The following PRKG1 variants were observed in gnomAD, a reference collection of about 807,000 sequenced individuals.
The protein encoded by PRKG1 is cGMP-dependent protein kinase 1.
In PRKG1, 35 loss-of-function variants were observed where a neutral mutation model predicts 88.1. The ratio of observed to expected loss-of-function variants is 0.40; its 90% CI spans 0.30 to 0.53. The LOEUF (loss-of-function observed/expected upper bound fraction) is 0.53, where lower values mean the gene tolerates loss of function less well. Ranked by LOEUF, PRKG1 falls within the 20% of genes least tolerant of loss-of-function variation. PRKG1 has a pLI of 0.59. For synonymous variants in PRKG1, 303 were observed against 292.5 expected (o/e 1.04, Z -0.37); for missense variants, 540 against 839.8 (o/e 0.64, Z 4.41).
intron 5 of PRKG1, among the ~76,000 whole-genome samples, chr10:51,947,132 A>C (rs374781463): frequency 6.6e-6 from 1 of 151,322 alleles, no homozygotes; most frequent in Admixed American, 6.6e-5. Context: ...CGAGCTTCCC[A>C]GCTGCTTTGT....
chr10:51,431,881 ACAAAG>A (rs1302408953), intron 2 of PRKG1, among the ~76,000 whole-genome samples: 5 of 152,178 alleles, frequency 3.3e-5, no homozygotes, highest in African/African-American at 4.8e-5. Flanking sequence ...ACAAAACAAA[ACAAAG>A]CAAAAAAGCC....
chr10:51,178,616 G>A (rs375315497), intron 2 of PRKG1, among the ~76,000 whole-genome samples: 5 of 152,238 alleles, frequency 3.3e-5, no homozygotes, highest in East Asian at 3.9e-4. Context: ...CGGCCTGGAA[G>A]ACAGAGTGAG....
At chr10:51,037,396 C>G (rs1021444469) in intron 1 of PRKG1, among the ~76,000 whole-genome samples, 6 of 152,080 alleles carry the variant, frequency 3.9e-5, no homozygotes, top group Non-Finnish European at 8.8e-5. Context: ...CCTGGAAGGT[C>G]GAGGCTGCAG....
At chr10:51,635,360 AATATAAG>A (rs1839631478) in intron 3 of PRKG1, among the ~76,000 whole-genome samples, 1 of 151,948 alleles carries the variant, frequency 6.6e-6, no homozygotes, top group African/African-American at 2.4e-5. Flanking sequence ...GCAATATGTA[AATATAAG>A]CTAATAAAAG....
chr10:51,058,545 A>C (rs928641492), intron 1 of PRKG1, among the ~76,000 whole-genome samples: 7 of 152,138 alleles, frequency 4.6e-5, no homozygotes, highest in African/African-American at 1.7e-4. Flanking sequence ...TTATCACCCC[A>C]AATTCATAGT....
chr10:51,822,865 A>C (rs765487081), intron 4 of PRKG1, among the ~76,000 whole-genome samples: 1 of 151,978 alleles, frequency 6.6e-6, no homozygotes, highest in Non-Finnish European at 1.5e-5. Context: ...TTTGTTTTGC[A>C]TACAGCTGAT....
intron 9 of PRKG1, among the ~76,000 whole-genome samples, chr10:52,172,381 T>C (rs576237994): frequency 1.3e-5 from 2 of 152,326 alleles, no homozygotes; most frequent in South Asian, 4.1e-4. Flanking sequence ...TATTAAGTAA[T>C]GACAATTGAA....
intron 7 of PRKG1, among the ~76,000 whole-genome samples, chr10:52,067,198 T>C (rs1846375286): frequency 6.6e-6 from 1 of 152,220 alleles, no homozygotes; most frequent in African/African-American, 2.4e-5. Context: ...ACAAACTATA[T>C]AGTTTTTATA....
At chr10:51,802,975 C>T (rs1475925151) in intron 3 of PRKG1, among the ~76,000 whole-genome samples, 1 of 152,126 alleles carries the variant, frequency 6.6e-6, no homozygotes, top group Non-Finnish European at 1.5e-5. Context: ...TCCAACTGTG[C>T]TCTTGTTTAT....
chr10:51,901,158 T>C (rs1841970863), intron 4 of PRKG1, among the ~76,000 whole-genome samples: 1 of 152,156 alleles, frequency 6.6e-6, no homozygotes, highest in Non-Finnish European at 1.5e-5. Flanking sequence ...AGGATAAGCC[T>C]TAAGAGTCAA....
intron 7 of PRKG1, among the ~76,000 whole-genome samples, chr10:52,075,629 T>C (rs1169540412): frequency 1.3e-5 from 2 of 152,206 alleles, no homozygotes; most frequent in African/African-American, 4.8e-5. Context: ...TTAGTTAGCT[T>C]TGCCGTTACA....
intron 3 of PRKG1, among the ~76,000 whole-genome samples, chr10:51,679,704 CT>C (rs200695914): frequency 0.17 from 18,406 of 109,496 alleles, 1,473 homozygotes; most frequent in Admixed American, 0.24. Context: ...GGGCAGGGAA[CT>C]TTTTTTTTTT....
rs186707137 is a variant in PRKG1, at chr10:52,132,823, T to A, written c.936-1017T>A. ...ATGGGTACATAGTAAGTGTACATTTTTATGTGTACTTAGGTGTACATAGTA... is the reference window on the plus strand; with the variant it reads ...ATGGGTACATAGTAAGTGTACATTTATATGTGTACTTAGGTGTACATAGTA... On this transcript the variant is annotated intron_variant, in intron 7 of 17. Transcript: ENST00000373980. Among the ~76,000 whole-genome samples, 98 of 152,262 alleles carry A rather than the reference T, an allele frequency of 6.4e-4. 1 individual carries two copies. The highest frequency in any genetic ancestry group is 1.5e-5 in the Non-Finnish European group (1 of 67,966).
At chr10:51,935,765 C>T (rs937619282) in intron 5 of PRKG1, among the ~76,000 whole-genome samples, 2 of 152,024 alleles carry the variant, frequency 1.3e-5, no homozygotes, top group Non-Finnish European at 2.9e-5. Flanking sequence ...ATTTTATTGG[C>T]TATTATATTG....
chr10:51,481,389 A>G (rs1840354015), intron 3 of PRKG1, among the ~76,000 whole-genome samples: 1 of 152,114 alleles, frequency 6.6e-6, no homozygotes, highest in Non-Finnish European at 1.5e-5. Context: ...CTGGGATTAC[A>G]GGTGCCCACC....
intron 9 of PRKG1, among the ~76,000 whole-genome samples, chr10:52,249,588 G>T (rs1239371034): frequency 2.0e-5 from 3 of 152,068 alleles, no homozygotes; most frequent in Admixed American, 1.3e-4. Flanking sequence ...AATTTTGGGG[G>T]TGCTTTCAAG....
At chr10:51,375,600 C>T (rs914586229) in intron 2 of PRKG1, among the ~76,000 whole-genome samples, 3 of 152,002 alleles carry the variant, frequency 2.0e-5, no homozygotes, top group South Asian at 2.1e-4. Flanking sequence ...ATTAGGGATA[C>T]GCAGCCTGTT....
At chr10:51,665,915 A>ATATGTGTG (rs1156855516) in intron 3 of PRKG1, among the ~76,000 whole-genome samples, 5 of 151,654 alleles carry the variant, frequency 3.3e-5, no homozygotes, top group African/African-American at 1.2e-4. Flanking sequence ...GTATTTATGA[A>ATATGTGTG]TATGTGTGTG....
intron 2 of PRKG1, among the ~76,000 whole-genome samples, chr10:51,383,431 G>A (rs1207303511): frequency 6.6e-6 from 1 of 152,178 alleles, no homozygotes; most frequent in Non-Finnish European, 1.5e-5. Flanking sequence ...CCTTTATATA[G>A]CAATAGAAAT....
Sources: gnomAD v4.1 joint callset for allele counts (sites outside exome capture counted in the v4.1 genomes callset) on GRCh38, gnomAD v4.1.1 for gene constraint, MANE v1.5 for transcripts, NCBI Gene and HGNC (gene_info 2026-07-23, HGNC 2026-07-21) for gene names.